CLUH: variants seen among roughly 807,000 people sequenced by gnomAD.
CLUH encodes clustered mitochondria protein homolog.
A neutral mutation model predicts 139.3 loss-of-function variants in CLUH; 77 were observed. The observed-to-expected ratio is 0.55, with a 90% CI of 0.46 to 0.67. CLUH has a LOEUF of 0.67. Among genes scored for constraint, CLUH ranks in the 30% least tolerant of loss-of-function variants. CLUH has a pLI of 0.00. For synonymous variants in CLUH, 999 were observed against 801.6 expected (o/e 1.25, Z -4.16); for missense variants, 1,876 against 1,875.8 (o/e 1.00, Z 0.00).
At chr17:2,699,137 G>A (rs1169397219) in intron 9 of CLUH, among the ~76,000 whole-genome samples, 9 of 152,060 alleles carry the variant, frequency 5.9e-5, no homozygotes, top group Admixed American at 2.0e-4. Flanking sequence ...ACAAGCGTGC[G>A]CAGGTTTGGG....
Position 2,695,543 on chromosome 17 carries a change from C to A in CLUH, c.2392-17G>T. 6.3e-7 allele frequency: 1 copy of A among 1,577,298 alleles called. No homozygotes were observed. The highest frequency in any genetic ancestry group is 1.8e-5 in the Admixed American group (1 of 56,266). ...GTCCTTCACCTGCGGGCTGCAGCAG[C>A]TCAGGCCCCCACCCAGCTCCTCTGC... On this transcript the variant is annotated splice_polypyrimidine_tract_variant and intron_variant, in intron 13 of 25. Transcript: ENST00000651024.
Position 2,704,497 on chromosome 17 carries a change from G to GGCC in CLUH, c.165_167dup (p.Ala56dup), listed in dbSNP as rs1268233296. The GGCC allele has an allele frequency of 1.9e-6, 3 of 1,587,624 alleles. No individual in the cohort carries two copies. Among genetic ancestry groups the GGCC allele is most frequent in the African/African-American group, 1.3e-5 (1 of 74,356 alleles). The stretch of plus-strand genomic sequence containing the variant: ...CAAGCCCATTTTCCCTGGGTGGCTC[G>GGCC]GCCGCCGCCGCCTCCTTCTTCAGGC... On this transcript the variant is annotated inframe_insertion, in exon 2 of 26. Transcript: ENST00000651024. The surrounding 1 kb of genome is among the most constrained non-coding windows in gnomAD (Gnocchi z 5.7).
rs1319180786 is a variant in CLUH, at chr17:2,693,895, G to A, written c.3231+5C>T. 19 of 1,608,122 alleles carry A rather than the reference G, an allele frequency of 1.2e-5. No homozygotes were observed. The Middle Eastern group carries it at 6.6e-4, about 56-fold the overall frequency. The stretch of plus-strand genomic sequence containing the variant: ...AGGCCTTTGCTGCCACAGCCCAGAG[G>A]GTACCTCTGCGTAGTCGCCCATGAT... On this transcript the variant is annotated splice_donor_5th_base_variant and intron_variant, in intron 19 of 25. Coordinates refer to ENST00000651024, the MANE Select transcript of CLUH (RefSeq NM_001366661.1).
At position 2,694,849 on chromosome 17, in the gene CLUH, G is replaced by A. The variant is rs756637860; in HGVS notation, c.2852+8C>T. 8.4e-5 allele frequency: 45 copies of A among 534,186 alleles called. No individual in the cohort carries two copies. The highest frequency in any genetic ancestry group is 2.5e-4 in the Admixed American group (9 of 35,404). 33.1% of individuals were successfully genotyped at this position (534,186 alleles called of 1,614,324 possible). A position where few individuals can be genotyped will look rare whatever the true frequency, so the allele number is the denominator to read the frequency against. On this transcript the variant is annotated splice_region_variant and intron_variant, in intron 16 of 25. Coordinates refer to ENST00000651024, the MANE Select transcript of CLUH (RefSeq NM_001366661.1). Reference sequence around the variant, plus strand: ...CCACCCACCCCACCGCCCCTGCCCCGCACGCACCACTCGAGGTCGAAGTCA... The same window carrying A: ...CCACCCACCCCACCGCCCCTGCCCCACACGCACCACTCGAGGTCGAAGTCA...
intron 16 of CLUH, 23 bp from the exon 17 acceptor site, chr17:2,694,587 G>C: frequency 6.4e-7 from 1 of 1,554,974 alleles, no homozygotes; most frequent in Non-Finnish European, 8.7e-7. Flanking sequence ...CAGGGGGCCT[G>C]AGCAGCCCAA....
chr17:2,702,060 G>A lies in CLUH; in HGVS notation c.476-3C>T. ...GGCCTCACGCACCGTGTACGGCTCT[G>A]TCAGGAAGGCAGGGAGGGTATGGCG... On this transcript the variant is annotated splice_region_variant and splice_polypyrimidine_tract_variant and intron_variant, in intron 3 of 25. Transcript: ENST00000651024. 1 of 1,613,064 alleles carries A rather than the reference G, an allele frequency of 6.2e-7. No homozygotes were observed. The highest frequency in any genetic ancestry group is 8.5e-7 in the Non-Finnish European group (1 of 1,179,578).
intron 25 of CLUH, 150 bp downstream of exon 25, chr17:2,691,459 G>A: frequency 1.3e-6 from 1 of 751,058 alleles, no homozygotes; most frequent in Non-Finnish European, 2.3e-6. Flanking sequence ...CTACTGGGGA[G>A]GCTGAGGCAG....
Position 2,693,894 on chromosome 17 carries a change from G to A in CLUH, c.3231+6C>T, listed in dbSNP as rs772069960. On this transcript the variant is annotated splice_donor_region_variant and intron_variant, in intron 19 of 25. Transcript: ENST00000651024. ...CAGGCCTTTGCTGCCACAGCCCAGA[G>A]GGTACCTCTGCGTAGTCGCCCATGA... is the stretch of plus-strand genomic sequence containing the variant. 6.2e-7 allele frequency: 1 copy of A among 1,607,882 alleles called. No homozygotes were observed. The highest frequency in any genetic ancestry group is 1.1e-5 in the South Asian group (1 of 90,242).
At position 2,690,516 on chromosome 17, in the gene CLUH, C is replaced by T; in HGVS notation, c.*78G>A. On this transcript the variant is annotated 3_prime_UTR_variant, in exon 26 of 26. Transcript: ENST00000651024. ...AGAGGGCCTTGCTTCCTCTTCCGCC[C>T]GCAGGCTCGCCCCCTTCTCCCGCAG... 1 of 1,281,880 alleles carries T rather than the reference C, an allele frequency of 7.8e-7. No homozygotes were observed. The highest frequency in any genetic ancestry group is 3.8e-5 in the Admixed American group (1 of 26,420). 79.4% of individuals were successfully genotyped at this position (1,281,880 alleles called of 1,614,324 possible).
chr17:2,692,127 A>G, intron 22 of CLUH, 30 bp from the exon 23 acceptor site: 1 of 1,567,554 alleles, frequency 6.4e-7, no homozygotes, highest in Non-Finnish European at 8.7e-7. Flanking sequence ...GGGGCGAGGG[A>G]AGGGCATAAG....
chr17:2,701,133 G>A lies in CLUH; in HGVS notation c.1025+7C>T. 1 of 1,613,854 alleles carries A rather than the reference G, an allele frequency of 6.2e-7. No homozygotes were observed. Among genetic ancestry groups the A allele is most frequent in the East Asian group, 2.2e-5 (1 of 44,884 alleles). On this transcript the variant is annotated splice_region_variant and intron_variant, in intron 7 of 25. Coordinates refer to ENST00000651024, the MANE Select transcript of CLUH (RefSeq NM_001366661.1). ...TGAGACAAGGCGGGAGGGGACAAAGGCACTACCTTTTCTTCTGCAGCACAG... is the reference window on the plus strand; with the variant it reads ...TGAGACAAGGCGGGAGGGGACAAAGACACTACCTTTTCTTCTGCAGCACAG...
At chr17:2,695,937 G>A (rs1294622400) in intron 13 of CLUH, 1 of 595,262 alleles carries the variant, frequency 1.7e-6, no homozygotes, top group Admixed American at 3.0e-5. Flanking sequence ...GGGCTCAGAA[G>A]ACTGGATTAC....
rs1567575664 is a variant in CLUH, at chr17:2,691,952, C to CGG, written c.3654+51_3654+52insCC. On this transcript the variant is annotated intron_variant, in intron 23 of 25. Transcript: ENST00000651024. The stretch of plus-strand genomic sequence containing the variant: ...CCGTGCCCCCGCGGCCCCGCCCCCG[C>CGG]CCCGCCACGCCCCCGCCCCGCCCCC... The CGG allele has an allele frequency of 4.6e-4, 473 of 1,029,298 alleles. 2 individuals are homozygous for CGG. The highest frequency in any genetic ancestry group is 9.1e-4 in the African/African-American group (40 of 43,918). The allele number at this position is 1,029,298 out of a possible 1,614,324, so 63.8% of individuals were successfully genotyped here.
intron 16 of CLUH, 35 bp downstream of exon 16, chr17:2,694,822 T>TCCCCCCCCCCCCCCCCCCCCCCCC: frequency 7.4e-7 from 1 of 1,346,338 alleles, no homozygotes; most frequent in Non-Finnish European, 1.0e-6. Flanking sequence ...ATCTGCCCAA[T>TCCCCCCCCCCCCCCCCCCCCCCCC]CCCACCCACC....
Position 2,701,911 on chromosome 17 carries a change from C to T in CLUH, c.619+3G>A, listed in dbSNP as rs374085677. 4 of 1,613,530 alleles carry T rather than the reference C, an allele frequency of 2.5e-6. No individual in the cohort carries two copies. Among genetic ancestry groups the T allele is most frequent in the Non-Finnish European group, 3.4e-6 (4 of 1,179,906 alleles). Reference sequence around the variant, plus strand: ...CAATCCCCGGCCCCAGTGCCTCCCGCACCTCCCAGGTCGCCGTCGGTGAAG... The same window carrying T: ...CAATCCCCGGCCCCAGTGCCTCCCGTACCTCCCAGGTCGCCGTCGGTGAAG... On this transcript the variant is annotated splice_donor_region_variant and intron_variant, in intron 4 of 25. Transcript: ENST00000651024.
rs1381247553 is a variant in CLUH at position 2,690,521 on chromosome 17, G to A, written c.*73C>T. 2 of 1,306,598 alleles carry A rather than the reference G, an allele frequency of 1.5e-6. No homozygotes were observed. The highest frequency in any genetic ancestry group is 2.0e-6 in the Non-Finnish European group (2 of 1,001,446). 80.9% of individuals were successfully genotyped at this position (1,306,598 alleles called of 1,614,324 possible). On this transcript the variant is annotated 3_prime_UTR_variant, in exon 26 of 26. Transcript: ENST00000651024. ...GCCTTGCTTCCTCTTCCGCCCGCAG[G>A]CTCGCCCCCTTCTCCCGCAGTCGGG...
chr17:2,711,707 G>T lies in CLUH; in HGVS notation c.-46C>A. ...GCCTCGGCTGTCCGCGCCGCCCGCCGCGCCACTAACCCAAGTGCCCTGCGC... is the reference window on the plus strand; with the variant it reads ...GCCTCGGCTGTCCGCGCCGCCCGCCTCGCCACTAACCCAAGTGCCCTGCGC... On this transcript the variant is annotated 5_prime_UTR_variant, in exon 1 of 26. Transcript: ENST00000651024. The T allele has an allele frequency of 2.3e-6, 2 of 857,310 alleles. No individual in the cohort carries two copies. The highest frequency in any genetic ancestry group is 2.8e-6 in the Non-Finnish European group (2 of 713,030). 53.1% of individuals were successfully genotyped at this position (857,310 alleles called of 1,614,324 possible). A position where few individuals can be genotyped will look rare whatever the true frequency, so the allele number is the denominator to read the frequency against.
rs2069832423 is a variant in CLUH, at chr17:2,694,174, C to T, written c.3040G>A (p.Ala1014Thr). The T allele has an allele frequency of 6.2e-7, 1 of 1,613,256 alleles. No individual in the cohort carries two copies. The highest frequency in any genetic ancestry group is 8.5e-7 in the Non-Finnish European group (1 of 1,179,612). The change falls in exon 18 of 26, where the codon GCC becomes ACC. Residue 1014 changes from alanine (A) to threonine (T), a missense_variant. Physicochemically the swap from Ala to Thr is moderately conservative, Grantham distance 58. This residue lies in a region of CLUH where 1,454 missense variants were observed against 1,384.4 expected (regional missense o/e 1.05). Coordinates refer to ENST00000651024, the MANE Select transcript of CLUH (RefSeq NM_001366661.1). ...TGGAAGAAATGGAAGGCATCCGAGG[C>T]CTTGGGGTTGACGTGCTTGACCACG... is the stretch of plus-strand genomic sequence containing the variant. Reference protein sequence around the residue: ...FPVVKHVNPKASDAFHFFQSG... With the variant: ...FPVVKHVNPKTSDAFHFFQSG...
At chr17:2,711,394 G>A (rs1262161611) in intron 1 of CLUH, among the ~76,000 whole-genome samples, 168 bp downstream of exon 1, 1 of 152,088 alleles carries the variant, frequency 6.6e-6, no homozygotes, top group Non-Finnish European at 1.5e-5. Context: ...GCAGCCGGGG[G>A]CGACTGTGAA....
Sources: gnomAD v4.1 joint callset for allele counts (sites outside exome capture counted in the v4.1 genomes callset) on GRCh38, gnomAD v4.1.1 for gene constraint, gnomAD v4.1.1 regional missense constraint, Gnocchi (gnomAD v3.1) non-coding constraint, MANE v1.5 for transcripts, NCBI Gene and HGNC (gene_info 2026-07-23, HGNC 2026-07-21) for gene names.